Variants in PRKN observed in about 807,000 individuals in gnomAD.
PRKN encodes the protein parkin RBR E3 ubiquitin protein ligase.
A neutral mutation model predicts 59.5 loss-of-function variants in PRKN; 56 were observed. That is an observed-to-expected ratio of 0.94 (90% CI 0.76 to 1.18). PRKN has a LOEUF of 1.18. PRKN is among the 50% of genes most tolerant of loss of function. PRKN has a pLI of 0.00. For missense variants in PRKN, 657 were observed against 596.4 expected, an observed-to-expected ratio of 1.10 and a Z score of -1.06; for synonymous variants, 250 against 222.1, an observed-to-expected ratio of 1.13 and a Z score of -1.12.
chr6:162,076,022 A>C (rs1046168762), intron 4 of PRKN, among the ~76,000 whole-genome samples: 11 of 149,392 alleles, frequency 7.4e-5, no homozygotes, highest in South Asian at 2.1e-4. Context: ...AGGCTGGAGA[A>C]CAGTGGCATG....
At chr6:161,616,692 G>A (rs1387142260) in intron 7 of PRKN, among the ~76,000 whole-genome samples, 2 of 152,080 alleles carry the variant, frequency 1.3e-5, no homozygotes, top group Non-Finnish European at 1.5e-5. Context: ...TCAGTTTGCT[G>A]AGAGTGATGG....
intron 8 of PRKN, among the ~76,000 whole-genome samples, chr6:161,556,289 T>G (rs1309627821): frequency 2.0e-5 from 3 of 152,208 alleles, no homozygotes; most frequent in African/African-American, 7.2e-5. Context: ...CCTGGGAATT[T>G]CTGATGATTA....
At chr6:162,350,306 A>C (rs891200845) in intron 2 of PRKN, among the ~76,000 whole-genome samples, 5 of 152,338 alleles carry the variant, frequency 3.3e-5, no homozygotes, top group African/African-American at 9.6e-5. Context: ...TGCAATCCTA[A>C]TCAAAATCAC....
intron 9 of PRKN, among the ~76,000 whole-genome samples, chr6:161,481,600 C>T (rs1174348321): frequency 1.3e-5 from 2 of 151,608 alleles, no homozygotes; most frequent in Non-Finnish European, 2.9e-5. Context: ...AAGACTCCAT[C>T]TCAAAAAACA....
At chr6:161,695,010 C>T (rs186136815) in intron 7 of PRKN, among the ~76,000 whole-genome samples, 1 of 152,102 alleles carries the variant, frequency 6.6e-6, no homozygotes, top group Non-Finnish European at 1.5e-5. Context: ...TCTTAAAAAC[C>T]TCCCCAGGCA....
intron 3 of PRKN, among the ~76,000 whole-genome samples, chr6:162,260,957 C>T (rs1779863225): frequency 6.6e-6 from 1 of 152,072 alleles, no homozygotes; most frequent in East Asian, 1.9e-4. Flanking sequence ...TTCAGGCGTA[C>T]ACTGGGGGAT....
At chr6:162,349,025 TGAAA>T (rs1332162239) in intron 2 of PRKN, among the ~76,000 whole-genome samples, 1 of 152,202 alleles carries the variant, frequency 6.6e-6, no homozygotes, top group African/African-American at 2.4e-5. Context: ...ACAAATTCTT[TGAAA>T]GACATAGTCA....
At chr6:161,885,467 A>G (rs1330199800) in intron 6 of PRKN, among the ~76,000 whole-genome samples, 1 of 152,098 alleles carries the variant, frequency 6.6e-6, no homozygotes, top group African/African-American at 2.4e-5. Flanking sequence ...GATAGAGACC[A>G]TCCTGGCTAA....
intron 1 of PRKN, among the ~76,000 whole-genome samples, chr6:162,468,002 A>G (rs1020651262): frequency 3.3e-5 from 5 of 152,074 alleles, no homozygotes; most frequent in South Asian, 2.1e-4. Flanking sequence ...TCCTGTGACC[A>G]CCCTAATTAA....
chr6:161,807,959 G>C (rs1252037244), intron 6 of PRKN, among the ~76,000 whole-genome samples: 2 of 152,154 alleles, frequency 1.3e-5, no homozygotes, highest in African/African-American at 4.8e-5. Flanking sequence ...TGTTGGCTTA[G>C]TTTTTAATTA....
rs1030466631 is a variant in PRKN at position 161,480,216 on chromosome 6, CA to C, written c.1083+68637del. Among the ~76,000 whole-genome samples the C allele has an allele frequency of 6.6e-6, 1 of 152,130 alleles. No individual in the cohort carries two copies. The highest frequency in any genetic ancestry group is 1.5e-5 in the Non-Finnish European group (1 of 68,022). ...ACTATATAATTTGTGAAGCCCAGTG[CA>C]AAACAAAGACACAGAGCCCCTTCTT... On this transcript the variant is annotated intron_variant, in intron 9 of 11. Transcript: ENST00000366898. This position sits in a 1 kb window ranked among gnomAD's most constrained non-coding sequence, Gnocchi z 4.1.
intron 1 of PRKN, among the ~76,000 whole-genome samples, chr6:162,588,753 G>A (rs34549249): frequency 0.1 from 15,337 of 151,844 alleles, 925 homozygotes; most frequent in Middle Eastern, 0.19. Context: ...GGGTTTCACC[G>A]TGTTAGCCAG....
chr6:162,664,772 T>G (rs1287929466), intron 1 of PRKN, among the ~76,000 whole-genome samples: 2 of 152,152 alleles, frequency 1.3e-5, no homozygotes, highest in African/African-American at 4.8e-5. Flanking sequence ...CCTTGTAAAT[T>G]CTGTATATTA....
intron 7 of PRKN, among the ~76,000 whole-genome samples, chr6:161,594,074 A>G (rs1781824863): frequency 1.3e-5 from 2 of 152,024 alleles, no homozygotes; most frequent in Non-Finnish European, 2.9e-5. Flanking sequence ...GAGGCAGGAG[A>G]ATCACTTGAA....
At chr6:161,920,022 G>A (rs553368550) in intron 6 of PRKN, among the ~76,000 whole-genome samples, 2 of 152,316 alleles carry the variant, frequency 1.3e-5, no homozygotes, top group East Asian at 1.9e-4. Context: ...ACCTAGACTG[G>A]ATGGTAGAGC....
chr6:162,028,547 T>C (rs372932237), intron 5 of PRKN, among the ~76,000 whole-genome samples: 150 of 152,234 alleles, frequency 9.9e-4, no homozygotes, highest in African/African-American at 3.4e-3. Flanking sequence ...CTTTAGGAAA[T>C]AAGCAGTAGG....
chr6:162,468,539 T>C (rs1160406936), intron 1 of PRKN, among the ~76,000 whole-genome samples: 1 of 152,192 alleles, frequency 6.6e-6, no homozygotes, highest in Non-Finnish European at 1.5e-5. Context: ...ACCAAGGCAT[T>C]TGGCAAAGTT....
intron 7 of PRKN, among the ~76,000 whole-genome samples, chr6:161,736,993 G>A (rs1200801842): frequency 6.6e-6 from 1 of 152,212 alleles, no homozygotes; most frequent in Non-Finnish European, 1.5e-5. Context: ...ATAGCTCAGC[G>A]TTCTGCTCAT....
At chr6:161,973,771 G>A (rs1249784250) in intron 5 of PRKN, among the ~76,000 whole-genome samples, 8 of 152,174 alleles carry the variant, frequency 5.3e-5, no homozygotes, top group Non-Finnish European at 1.5e-5. Context: ...ATGAGGAAAG[G>A]GAGACGTGAA....
Sources: gnomAD v4.1 joint callset for allele counts (sites outside exome capture counted in the v4.1 genomes callset) on GRCh38, gnomAD v4.1.1 for gene constraint, Gnocchi (gnomAD v3.1) non-coding constraint, MANE v1.5 for transcripts, NCBI Gene and HGNC (gene_info 2026-07-23, HGNC 2026-07-21) for gene names.